The following PITPNM3 variants were observed in gnomAD, a reference collection of about 807,000 sequenced individuals.
The protein encoded by PITPNM3 is PITPNM family member 3, also known as membrane-associated phosphatidylinositol transfer protein 3.
In PITPNM3, 26 loss-of-function variants were observed where a neutral mutation model predicts 102.0. The ratio of observed to expected loss-of-function variants is 0.25; its 90% CI spans 0.19 to 0.35. The LOEUF is 0.35. Ranked by LOEUF, PITPNM3 falls within the 10% of genes least tolerant of loss-of-function variation. PITPNM3 has a pLI of 1.00. For synonymous variants in PITPNM3, 578 were observed against 558.6 expected (o/e 1.03, Z -0.49); for missense variants, 1,083 against 1,346.1 (o/e 0.80, Z 3.06).
intron 6 of PITPNM3, among the ~76,000 whole-genome samples, chr17:6,481,985 C>CCTCTCTCTCTCTCTCTCTCT (rs773528111): frequency 3.6e-5 from 2 of 56,098 alleles, no homozygotes; most frequent in African/African-American, 6.3e-5. Context: ...GAAAACAGAA[C>CCTCTCTCTCTCTCTCTCTCT]CTCTCTCTCT....
chr17:6,518,012 T>C (rs185933957), intron 3 of PITPNM3, among the ~76,000 whole-genome samples: 107 of 152,288 alleles, frequency 7.0e-4, no homozygotes, highest in African/African-American at 2.5e-3. Flanking sequence ...ATAGAGAATT[T>C]ATAACCCAAC....
At chr17:6,528,987 T>C (rs192344207) in intron 2 of PITPNM3, among the ~76,000 whole-genome samples, 34 of 151,976 alleles carry the variant, frequency 2.2e-4, no homozygotes, top group African/African-American at 8.2e-4. Context: ...ATAAACGCCC[T>C]GGTTGATTTT....
chr17:6,546,926 G>T (rs1229937058), intron 1 of PITPNM3, among the ~76,000 whole-genome samples: 5 of 152,080 alleles, frequency 3.3e-5, no homozygotes, highest in African/African-American at 1.2e-4. Flanking sequence ...AGAACTGCTT[G>T]AACCCGGGAG....
intron 1 of PITPNM3, among the ~76,000 whole-genome samples, chr17:6,542,300 G>C (rs1909772854): frequency 6.6e-6 from 1 of 152,222 alleles, no homozygotes; most frequent in South Asian, 2.1e-4. Context: ...GAGGTGTCTA[G>C]TGTTACACGA....
rs193269529 is a variant in PITPNM3, at chr17:6,457,964, G to A, written c.2491-242C>T. On this transcript the variant is annotated intron_variant, in intron 18 of 19. Coordinates refer to ENST00000262483, the MANE Select transcript of PITPNM3 (RefSeq NM_031220.4). This position sits in a 1 kb window ranked among gnomAD's most constrained non-coding sequence, Gnocchi z 4.7. ...CGTGACCACACCATTTACCGGCCCC[G>A]CCTCCAACAGCAGTACACTCAGGTT... 3.3e-5 allele frequency among the ~76,000 whole-genome samples: 5 copies of A among 152,234 alleles called. No homozygotes were observed. Among genetic ancestry groups the A allele is most frequent in the East Asian group, 1.9e-4 (1 of 5,186 alleles).
In PITPNM3 at chr17:6,507,239, C is replaced by T. The variant is rs929188631; in HGVS notation, c.227-3665G>A. ...AGGAGGCAGGACCATGTGAGAGCCGCCCACCAAGTACCCCCACACATATGC... is the reference window on the plus strand; with the variant it reads ...AGGAGGCAGGACCATGTGAGAGCCGTCCACCAAGTACCCCCACACATATGC... On this transcript the variant is annotated intron_variant, in intron 3 of 19. Transcript: ENST00000262483. 4.9e-4 allele frequency among the ~76,000 whole-genome samples: 75 copies of T among 152,144 alleles called. 1 individual carries two copies. The highest frequency in any genetic ancestry group is 3.9e-4 in the Admixed American group (6 of 15,274).
intron 1 of PITPNM3, among the ~76,000 whole-genome samples, chr17:6,549,471 C>T (rs1166604841): frequency 6.6e-6 from 1 of 152,200 alleles, no homozygotes; most frequent in African/African-American, 2.4e-5. Flanking sequence ...TGCTGGGACC[C>T]AGCTCCCACC....
In PITPNM3 at chr17:6,556,535, G is replaced by A. The variant is rs886053303; in HGVS notation, c.-129C>T. The stretch of plus-strand genomic sequence containing the variant: ...CGCCCCCGCCCCGCTCGCCTCGGCT[G>A]CCGCCACCGCAGCCGCCGCCGCCTC... On this transcript the variant is annotated 5_prime_UTR_variant, in exon 1 of 20. Transcript: ENST00000262483. The surrounding 1 kb of genome is among the most constrained non-coding windows in gnomAD (Gnocchi z 5.2). The A allele has an allele frequency of 2.1e-5, 12 of 567,940 alleles. No individual in the cohort carries two copies. The highest frequency in any genetic ancestry group is 2.7e-5 in the Non-Finnish European group (12 of 450,222). The allele number at this position is 567,940 out of a possible 1,614,324, so 35.2% of individuals were successfully genotyped here. A position where few individuals can be genotyped will look rare whatever the true frequency, so the allele number is the denominator to read the frequency against.
Position 6,457,161 on chromosome 17 carries a change from C to T in PITPNM3, c.2619+433G>A, listed in dbSNP as rs1476040651. ...TACATGTTCTGTGTCACCTCCTGAC[C>T]TTGGCTTTTGCTGCTGCCTCTGTCA... On this transcript the variant is annotated intron_variant, in intron 19 of 19. Coordinates refer to ENST00000262483, the MANE Select transcript of PITPNM3 (RefSeq NM_031220.4). The surrounding 1 kb of genome is among the most constrained non-coding windows in gnomAD (Gnocchi z 4.7). Among the ~76,000 whole-genome samples the T allele has an allele frequency of 6.6e-6, 1 of 152,180 alleles. No homozygotes were observed. Among genetic ancestry groups the T allele is most frequent in the Non-Finnish European group, 1.5e-5 (1 of 68,036 alleles).
Position 6,468,973 on chromosome 17 carries a change from C to T in PITPNM3, c.1774-632G>A, listed in dbSNP as rs954676248. Among the ~76,000 whole-genome samples the T allele has an allele frequency of 3.3e-5, 5 of 152,062 alleles. No individual in the cohort carries two copies. Among genetic ancestry groups the T allele is most frequent in the African/African-American group, 4.8e-5 (2 of 41,386 alleles). On this transcript the variant is annotated intron_variant, in intron 13 of 19. Transcript: ENST00000262483. The surrounding 1 kb of genome is among the most constrained non-coding windows in gnomAD (Gnocchi z 5.2). ...AGGGTTCTTCTCCATCACTCCTCTA[C>T]GGAAGCCATTCTTGCCACTGCCCCG...
Position 6,483,509 on chromosome 17 carries a change from G to A in PITPNM3, c.587+8C>T. 6.2e-7 allele frequency: 1 copy of A among 1,610,050 alleles called. No homozygotes were observed. The highest frequency in any genetic ancestry group is 8.5e-7 in the Non-Finnish European group (1 of 1,177,370). On this transcript the variant is annotated splice_region_variant and intron_variant, in intron 6 of 19. Transcript: ENST00000262483. ...CCAACCAGTTCAAACAAGCAGAAATGGACTCACTGAGAGACAAGCGAGAAA... is the reference window on the plus strand; with the variant it reads ...CCAACCAGTTCAAACAAGCAGAAATAGACTCACTGAGAGACAAGCGAGAAA...
At chr17:6,482,159 A>G (rs1905778752) in intron 6 of PITPNM3, among the ~76,000 whole-genome samples, 2 of 151,662 alleles carry the variant, frequency 1.3e-5, no homozygotes, top group South Asian at 4.2e-4. Context: ...TTAGGTCATG[A>G]GACCCTCATT....
At position 6,468,354 on chromosome 17, in the gene PITPNM3, C is replaced by T. The variant is rs748806535; in HGVS notation, c.1774-13G>A. 4 of 1,613,256 alleles carry T rather than the reference C, an allele frequency of 2.5e-6. No homozygotes were observed. Among genetic ancestry groups the T allele is most frequent in the Non-Finnish European group, 2.5e-6 (3 of 1,179,308 alleles). On this transcript the variant is annotated splice_polypyrimidine_tract_variant and intron_variant, in intron 13 of 19. Coordinates refer to ENST00000262483, the MANE Select transcript of PITPNM3 (RefSeq NM_031220.4). This position sits in a 1 kb window ranked among gnomAD's most constrained non-coding sequence, Gnocchi z 5.2. Reference sequence around the variant, plus strand: ...CATAGCGCATTACCTAGCCAAGAGCCGAGCAGGGCCCCGGTCAGGTCTTCT... The same window carrying T: ...CATAGCGCATTACCTAGCCAAGAGCTGAGCAGGGCCCCGGTCAGGTCTTCT...
intron 1 of PITPNM3, among the ~76,000 whole-genome samples, chr17:6,542,869 C>T (rs1486827176): frequency 1.3e-5 from 2 of 152,190 alleles, no homozygotes; most frequent in Non-Finnish European, 2.9e-5. Flanking sequence ...CATCCACCTT[C>T]ACTACCACAT....
intron 17 of PITPNM3, among the ~76,000 whole-genome samples, chr17:6,462,556 C>G (rs537141129): frequency 6.6e-6 from 1 of 152,302 alleles, no homozygotes; most frequent in South Asian, 2.1e-4. Flanking sequence ...CCCTGCTTCC[C>G]AAGCAGAATC....
At chr17:6,526,925 A>C (rs1469050201) in intron 2 of PITPNM3, among the ~76,000 whole-genome samples, 1 of 151,852 alleles carries the variant, frequency 6.6e-6, no homozygotes, top group Non-Finnish European at 1.5e-5. Context: ...GGCTGCCCAC[A>C]CTCCAGCCAG....
At chr17:6,464,633 G>A (rs774995828) in intron 15 of PITPNM3, 22 bp downstream of exon 15, 2 of 1,598,732 alleles carry the variant, frequency 1.3e-6, no homozygotes, top group South Asian at 1.1e-5. Context: ...TGGCTGAGGA[G>A]GGGAGGCCCA....
intron 4 of PITPNM3, among the ~76,000 whole-genome samples, chr17:6,486,440 C>G (rs1906100269): frequency 6.6e-6 from 1 of 152,180 alleles, no homozygotes; most frequent in Non-Finnish European, 1.5e-5. Flanking sequence ...TGACCAGCCC[C>G]AGGGGAGGGT....
Position 6,551,047 on chromosome 17 carries a change from C to A in PITPNM3, c.22+5338G>T, listed in dbSNP as rs542267233. Among the ~76,000 whole-genome samples the A allele has an allele frequency of 2.6e-5, 4 of 152,300 alleles. No individual in the cohort carries two copies. In the South Asian group the frequency reaches 8.3e-4, roughly 32 times the overall value. ...CCAAGTTCCAGCACACCCCAGACTG[C>A]GGGAAAGCTTTTGAAAAGCCTGGAG... On this transcript the variant is annotated intron_variant, in intron 1 of 19. Transcript: ENST00000262483.
Sources: allele counts gnomAD v4.1 joint callset (sites outside exome capture counted in the v4.1 genomes callset), GRCh38; gene constraint gnomAD v4.1.1; non-coding constraint Gnocchi (gnomAD v3.1); transcripts MANE v1.5; gene names NCBI Gene and HGNC (gene_info 2026-07-23, HGNC 2026-07-21).